Variants in LNX1 observed in about 807,000 individuals in gnomAD.
The protein encoded by LNX1 is ligand of numb-protein X 1.
LNX1 carries 54 observed loss-of-function variants against 68.4 expected under a neutral mutation model. That is an observed-to-expected ratio of 0.79 (90% CI 0.63 to 0.99). The LOEUF (loss-of-function observed/expected upper bound fraction) is 0.99. LNX1 is among the 50% of genes least tolerant of loss of function. LNX1 has a pLI of 0.00. For synonymous variants in LNX1, 336 were observed against 350.0 expected (o/e 0.96, Z 0.45); for missense variants, 906 against 926.4 (o/e 0.98, Z 0.29).
At chr4:53,510,449 G>T (rs1726244276) in intron 2 of LNX1, among the ~76,000 whole-genome samples, 1 of 152,178 alleles carries the variant, frequency 6.6e-6, no homozygotes, top group Admixed American at 6.5e-5. Context: ...GAGAAAACAG[G>T]CCTCCAACTT....
intron 2 of LNX1, among the ~76,000 whole-genome samples, chr4:53,521,734 A>G (rs889674117): frequency 1.3e-5 from 2 of 152,156 alleles, no homozygotes; most frequent in African/African-American, 4.8e-5. Context: ...TTTGCAGGAA[A>G]TGCTATTATA....
At chr4:53,486,033 C>T (rs1345454242) in intron 6 of LNX1, among the ~76,000 whole-genome samples, 2 of 152,148 alleles carry the variant, frequency 1.3e-5, no homozygotes, top group African/African-American at 4.8e-5. Flanking sequence ...AATTAGAAGA[C>T]ATGACTTAAA....
intron 2 of LNX1, among the ~76,000 whole-genome samples, chr4:53,554,558 T>A (rs186473972): frequency 6.6e-6 from 1 of 152,324 alleles, no homozygotes; most frequent in East Asian, 1.9e-4. Context: ...GATACATGTT[T>A]TAAAATAATT....
intron 9 of LNX1, among the ~76,000 whole-genome samples, chr4:53,466,407 A>T (rs540813325): frequency 4.2e-4 from 64 of 152,342 alleles, no homozygotes; most frequent in African/African-American, 1.4e-3. Context: ...TACAGCTCCC[A>T]GCGTGAGTGA....
At chr4:53,571,126 T>C (rs1731138228) in intron 2 of LNX1, among the ~76,000 whole-genome samples, 1 of 151,952 alleles carries the variant, frequency 6.6e-6, no homozygotes, top group African/African-American at 2.4e-5. Flanking sequence ...TTCAAGTGAT[T>C]CTCATGCCTC....
chr4:53,576,423 G>C, intron 1 of LNX1: 1 of 1,469,654 alleles, frequency 6.8e-7, no homozygotes, highest in Non-Finnish European at 9.0e-7. Context: ...GGTCAGGCTT[G>C]GACAGGCACC....
intron 2 of LNX1, among the ~76,000 whole-genome samples, chr4:53,533,689 T>G (rs563472297): frequency 7.7e-4 from 117 of 152,258 alleles, no homozygotes; most frequent in Non-Finnish European, 1.5e-3. Flanking sequence ...CATGAAACAC[T>G]GTACCCAGCC....
At chr4:53,553,774 C>G (rs1729687839) in intron 2 of LNX1, among the ~76,000 whole-genome samples, 1 of 152,162 alleles carries the variant, frequency 6.6e-6, no homozygotes, top group Admixed American at 6.5e-5. Context: ...GACTCCACAC[C>G]AAATACTCTG....
intron 1 of LNX1, among the ~76,000 whole-genome samples, chr4:53,574,698 C>G (rs1731376188): frequency 1.3e-5 from 2 of 152,198 alleles, no homozygotes; most frequent in Admixed American, 1.3e-4. Context: ...CAAATCCCAC[C>G]ACTATGGGCC....
intron 2 of LNX1, among the ~76,000 whole-genome samples, chr4:53,535,470 C>T (rs1190220623): frequency 6.6e-6 from 1 of 152,172 alleles, no homozygotes; most frequent in Admixed American, 6.5e-5. Context: ...ACAAATCAAT[C>T]TAACAAAACA....
intron 2 of LNX1, among the ~76,000 whole-genome samples, chr4:53,610,625 G>A (rs966444294): frequency 1.3e-4 from 19 of 149,402 alleles, no homozygotes; most frequent in Non-Finnish European, 2.1e-4. Flanking sequence ...GGAGAATGGC[G>A]TGAACCCGGG....
chr4:53,476,656 C>T (rs780390920), intron 9 of LNX1, 97 bp downstream of exon 9: 4 of 1,000,642 alleles, frequency 4.0e-6, no homozygotes, highest in Non-Finnish European at 6.3e-6. Context: ...AATTAAGATG[C>T]TAGTGCCATG....
chr4:53,501,320 T>C, intron 4 of LNX1, among the ~76,000 whole-genome samples: 1 of 128,590 alleles, frequency 7.8e-6, no homozygotes, highest in Non-Finnish European at 1.6e-5. Flanking sequence ...GGACAGGATC[T>C]CACTCTGTCA....
chr4:53,595,803 C>CA (rs1184547482), upstream of LNX1, among the ~76,000 whole-genome samples: 3 of 152,172 alleles, frequency 2.0e-5, no homozygotes, highest in Admixed American at 6.5e-5. Context: ...CTCCTCCTGG[C>CA]AATGAACCTA....
chr4:53,646,584 C>G (rs199520931), intron 1 of LNX1, among the ~76,000 whole-genome samples: 1 of 152,186 alleles, frequency 6.6e-6, no homozygotes. Context: ...ATAGGACCAA[C>G]ATGGCCAGAG....
chr4:53,568,062 G>A (rs1012830656), intron 2 of LNX1, among the ~76,000 whole-genome samples: 29 of 152,234 alleles, frequency 1.9e-4, no homozygotes, highest in Admixed American at 5.2e-4. Context: ...AATTCTACCA[G>A]AGGTACAAGG....
At chr4:53,496,509 A>C in intron 5 of LNX1, 115 bp from the exon 6 acceptor site, 1 of 1,288,728 alleles carries the variant, frequency 7.8e-7, no homozygotes, top group Non-Finnish European at 1.0e-6. Flanking sequence ...CTGCTCTCCC[A>C]CCTCATCCTG....
At chr4:53,495,884 G>T in intron 6 of LNX1, 139 bp downstream of exon 6, 1 of 1,046,966 alleles carries the variant, frequency 9.6e-7, no homozygotes, top group Non-Finnish European at 1.4e-6. Context: ...GAAAATGTTG[G>T]TCTTTCCATC....
chr4:53,640,499 A>AGCACT (rs1296358254), intron 1 of LNX1, among the ~76,000 whole-genome samples: 1 of 152,230 alleles, frequency 6.6e-6, no homozygotes, highest in African/African-American at 2.4e-5. Flanking sequence ...CTTAGGATAG[A>AGCACT]GCACTGGCAA....
Sources: allele counts gnomAD v4.1 joint callset (sites outside exome capture counted in the v4.1 genomes callset), GRCh38; gene constraint gnomAD v4.1.1; transcripts MANE v1.5; gene names NCBI Gene and HGNC (gene_info 2026-07-23, HGNC 2026-07-21).